The following ECE1 variants were observed in gnomAD, a reference collection of about 807,000 sequenced individuals.
ECE1 encodes the protein endothelin-converting enzyme 1.
A neutral mutation model predicts 98.6 loss-of-function variants in ECE1; 35 were observed. The ratio of observed to expected loss-of-function variants is 0.35; its 90% CI spans 0.27 to 0.47. The LOEUF (loss-of-function observed/expected upper bound fraction) is 0.47, where lower values mean the gene tolerates loss of function less well. Ranked by LOEUF, ECE1 falls within the 20% of genes least tolerant of loss-of-function variation. ECE1 has a pLI of 1.00. For synonymous variants in ECE1, 394 were observed against 407.1 expected (o/e 0.97, Z 0.39); for missense variants, 814 against 1,025.3 (o/e 0.79, Z 2.81).
In ECE1 at chr1:21,319,498, C is replaced by T. The variant is rs561154647; in HGVS notation, c.3+25878G>A. On this transcript the variant is annotated intron_variant, in intron 1 of 18. Coordinates refer to the ECE1 transcript ENST00000415912. The surrounding 1 kb of genome is among the most constrained non-coding windows in gnomAD (Gnocchi z 4.4). ...GGCTCCATGCTGCCCCCACCTCTGT[C>T]CACCAGGGCACCCCCGGCACCAAGG... is the stretch of plus-strand genomic sequence containing the variant. 3.3e-5 allele frequency among the ~76,000 whole-genome samples: 5 copies of T among 152,224 alleles called. No homozygotes were observed. Among genetic ancestry groups the T allele is most frequent in the African/African-American group, 1.2e-4 (5 of 41,526 alleles).
At chr1:21,238,548 C>T (rs1381154883) in intron 10 of ECE1, among the ~76,000 whole-genome samples, 5 of 152,208 alleles carry the variant, frequency 3.3e-5, no homozygotes, top group Non-Finnish European at 5.9e-5. Flanking sequence ...ACACTCGGCA[C>T]GGAGCAGCTG....
intron 1 of ECE1, among the ~76,000 whole-genome samples, chr1:21,305,831 A>T (rs1192726554): frequency 6.6e-6 from 1 of 152,198 alleles, no homozygotes; most frequent in Non-Finnish European, 1.5e-5. Flanking sequence ...AGCATCAGAC[A>T]CCCACAAATA....
chr1:21,310,671 G>A (rs1302166897), intron 1 of ECE1, among the ~76,000 whole-genome samples: 3 of 152,078 alleles, frequency 2.0e-5, no homozygotes, highest in Non-Finnish European at 2.9e-5. Flanking sequence ...GAGCTTCCAG[G>A]GATGATTTGG....
At chr1:21,281,115 G>A (rs2098253965) in intron 2 of ECE1, among the ~76,000 whole-genome samples, 1 of 152,124 alleles carries the variant, frequency 6.6e-6, no homozygotes, top group Non-Finnish European at 1.5e-5. Context: ...GCTTGAACCC[G>A]GGAGGCGGAG....
chr1:21,244,078 G>T (rs1573956936), intron 10 of ECE1, among the ~76,000 whole-genome samples: 1 of 152,160 alleles, frequency 6.6e-6, no homozygotes, highest in African/African-American at 2.4e-5. Flanking sequence ...CAGGAGTGGG[G>T]TCCAGCTGGA....
chr1:21,293,471 G>A (rs1329307651), upstream of ECE1: 1 of 152,210 alleles, frequency 6.6e-6, no homozygotes, highest in Admixed American at 6.6e-5. Flanking sequence ...CTCTACAGAT[G>A]TTTGAGCAAA....
chr1:21,291,384 CACATATGTGTGAATA>C (rs1021177402), upstream of ECE1, among the ~76,000 whole-genome samples: 13 of 152,364 alleles, frequency 8.5e-5, no homozygotes, highest in African/African-American at 2.6e-4. Context: ...CTCACAGTCA[CACATATGTGTGAATA>C]AACAGGTTTA....
At position 21,290,348 on chromosome 1, in the gene ECE1, G is replaced by T. The variant is rs2098265382; in HGVS notation, c.51+16C>A. ...CCCGCCTCCCGCCCCCGCCCTCCAGGCCGCGCCCGCCTCACCCCCAGCGCC... is the reference window on the plus strand; with the variant it reads ...CCCGCCTCCCGCCCCCGCCCTCCAGTCCGCGCCCGCCTCACCCCCAGCGCC... On this transcript the variant is annotated intron_variant, in intron 1 of 18. Coordinates refer to ENST00000374893, the MANE Select transcript of ECE1 (RefSeq NM_001397.3). This position sits in a 1 kb window ranked among gnomAD's most constrained non-coding sequence, Gnocchi z 7.3. The T allele has an allele frequency of 8.1e-7, 1 of 1,227,032 alleles. No homozygotes were observed. Among genetic ancestry groups the T allele is most frequent in the Non-Finnish European group, 1.0e-6 (1 of 987,652 alleles). The allele number at this position is 1,227,032 out of a possible 1,614,324, so 76.0% of individuals were successfully genotyped here. A position where few individuals can be genotyped will look rare whatever the true frequency, so the allele number is the denominator to read the frequency against.
chr1:21,336,188 C>T (rs559629768), intron 1 of ECE1, among the ~76,000 whole-genome samples: 1 of 152,264 alleles, frequency 6.6e-6, no homozygotes, highest in East Asian at 1.9e-4. Flanking sequence ...CAATACCAGC[C>T]TTGGCAACTA....
At position 21,256,058 on chromosome 1, in the gene ECE1, C is replaced by T. The variant is rs2103283529; in HGVS notation, c.909G>A (p.Gln303=). The change falls in exon 8 of 19, where the codon CAG becomes CAA. Residue 303 remains glutamine, a synonymous_variant. Coordinates refer to ENST00000374893, the MANE Select transcript of ECE1 (RefSeq NM_001397.3). ...TCTCAAAGTCCAAGATCTGCTGCAT[C>T]TGGGGCCGGATGGCCTCCTCGTCCC... The part of the protein sequence containing the change: ...GGGDEEAIRP[Q]MQQILDFETA... 1 of 1,612,330 alleles carries T rather than the reference C, an allele frequency of 6.2e-7. No homozygotes were observed. Among genetic ancestry groups the T allele is most frequent in the East Asian group, 2.2e-5 (1 of 44,826 alleles).
At chr1:21,240,751 G>A (rs561444112) in intron 10 of ECE1, among the ~76,000 whole-genome samples, 2 of 152,132 alleles carry the variant, frequency 1.3e-5, no homozygotes, top group African/African-American at 2.4e-5. Flanking sequence ...GTGTCTGGCC[G>A]AGGCCGACCA....
At chr1:21,312,204 A>T (rs1369550806) in intron 1 of ECE1, among the ~76,000 whole-genome samples, 1 of 141,674 alleles carries the variant, frequency 7.1e-6, no homozygotes, top group Non-Finnish European at 1.6e-5. Context: ...TCAGGAGGCT[A>T]AGGCGGGAGG....
intron 15 of ECE1, 32 bp downstream of exon 15, chr1:21,227,899 G>T (rs1430243590): frequency 1.3e-6 from 2 of 1,528,702 alleles, no homozygotes; most frequent in South Asian, 2.4e-5. Context: ...TGGGGGAAAA[G>T]AATTGGGGTA....
Position 21,233,340 on chromosome 1 carries a change from G to A in ECE1, c.1670+218C>T. 2 of 513,058 alleles carry A rather than the reference G, an allele frequency of 3.9e-6. No homozygotes were observed. Among genetic ancestry groups the A allele is most frequent in the Non-Finnish European group, 7.1e-6 (2 of 282,302 alleles). 31.8% of individuals were successfully genotyped at this position (513,058 alleles called of 1,614,324 possible). On this transcript the variant is annotated intron_variant, in intron 14 of 18. Transcript: ENST00000374893. This position sits in a 1 kb window ranked among gnomAD's most constrained non-coding sequence, Gnocchi z 4.0. ...CAGGCTCACCCTGCCAACAGGCTGG[G>A]CAGGCTCAAGCCCATCCCAGCTCCT...
intron 7 of ECE1, among the ~76,000 whole-genome samples, chr1:21,256,936 C>T (rs1436347950): frequency 6.6e-6 from 1 of 152,072 alleles, no homozygotes; most frequent in Non-Finnish European, 1.5e-5. Context: ...TCTGTGGGCG[C>T]TTGGTCAAGT....
rs2098183822 is a variant in ECE1 at position 21,233,079 on chromosome 1, CT to C, written c.1670+478del. ...CCCATCCAGAACCTTCCCCAGGCCT[CT>C]GTGGGCTCCCTGTCCTGAGATCCCA... On this transcript the variant is annotated intron_variant, in intron 14 of 18. Coordinates refer to ENST00000374893, the MANE Select transcript of ECE1 (RefSeq NM_001397.3). The surrounding 1 kb of genome is among the most constrained non-coding windows in gnomAD (Gnocchi z 4.0). 1 of 169,388 alleles carries C rather than the reference CT, an allele frequency of 5.9e-6. No individual in the cohort carries two copies. The highest frequency in any genetic ancestry group is 5.6e-5 in the Admixed American group (1 of 18,018). 10.5% of individuals were successfully genotyped at this position (169,388 alleles called of 1,614,324 possible). A position where few individuals can be genotyped will look rare whatever the true frequency, so the allele number is the denominator to read the frequency against.
chr1:21,275,753 C>T (rs547723070), intron 3 of ECE1, among the ~76,000 whole-genome samples: 9 of 152,286 alleles, frequency 5.9e-5, no homozygotes, highest in Non-Finnish European at 1.0e-4. Context: ...ATTCCTGGCC[C>T]AGGAAGTGCT....
rs889789680 is a variant in ECE1 at position 21,304,496 on chromosome 1, T to G, written c.4-14340A>C. ...GTGGCCCCAGGGTGAGCTGCCAATT[T>G]TCATCATGTCAATGTTGTTTCTTAC... On this transcript the variant is annotated intron_variant, in intron 1 of 18. Coordinates refer to the ECE1 transcript ENST00000415912. 6.6e-5 allele frequency among the ~76,000 whole-genome samples: 10 copies of G among 152,072 alleles called. 1 individual carries two copies. Among genetic ancestry groups the G allele is most frequent in the Admixed American group, 5.9e-4 (9 of 15,264 alleles).
chr1:21,261,472 T>C (rs1418195554), intron 4 of ECE1, among the ~76,000 whole-genome samples: 1 of 152,122 alleles, frequency 6.6e-6, no homozygotes, highest in Admixed American at 6.6e-5. Flanking sequence ...AGCTTCTGCA[T>C]GGGACCCTGT....
Sources: allele counts gnomAD v4.1 joint callset (sites outside exome capture counted in the v4.1 genomes callset), GRCh38; gene constraint gnomAD v4.1.1; non-coding constraint Gnocchi (gnomAD v3.1); transcripts MANE v1.5; gene names NCBI Gene and HGNC (gene_info 2026-07-23, HGNC 2026-07-21).